The following DTD1 variants were observed in gnomAD, a reference collection of about 807,000 sequenced individuals.
DTD1 encodes the protein D-aminoacyl-tRNA deacylase 1, also known as D-tyrosyl-tRNA deacylase 1 homolog.
In DTD1, 13 loss-of-function variants were observed where a neutral mutation model predicts 25.6. The ratio of observed to expected loss-of-function variants is 0.51; its 90% CI spans 0.33 to 0.81. The LOEUF is 0.81. DTD1 is among the 30% of genes least tolerant of loss of function. DTD1 has a pLI of 0.02. For missense variants in DTD1, 193 were observed against 266.4 expected, an observed-to-expected ratio of 0.72 and a Z score of 1.92; for synonymous variants, 110 against 103.6, an observed-to-expected ratio of 1.06 and a Z score of -0.37.
chr20:18,696,702 G>A (rs1469960446), intron 4 of DTD1, among the ~76,000 whole-genome samples: 1 of 151,886 alleles, frequency 6.6e-6, no homozygotes, highest in Non-Finnish European at 1.5e-5. Flanking sequence ...TTACAGGCAT[G>A]CACCACCACA....
At chr20:18,762,425 G>T (rs1466098129) in intron 5 of DTD1, among the ~76,000 whole-genome samples, 3 of 152,266 alleles carry the variant, frequency 2.0e-5, no homozygotes, top group East Asian at 3.9e-4. Context: ...GAGACACTTG[G>T]ACTTCTGTAC....
intron 3 of DTD1, among the ~76,000 whole-genome samples, chr20:18,623,725 C>T (rs6045516): frequency 0.51 from 77,560 of 151,922 alleles, 20,174 homozygotes; most frequent in Middle Eastern, 0.56. Flanking sequence ...TGCGTCCAGC[C>T]GGGTCTCCTT....
chr20:18,676,632 G>A (rs1346549697), intron 4 of DTD1, among the ~76,000 whole-genome samples: 1 of 152,164 alleles, frequency 6.6e-6, no homozygotes, highest in East Asian at 1.9e-4. Context: ...AGGTTCTGCT[G>A]AGCAGCAAAA....
chr20:18,761,146 G>T (rs113508897), intron 5 of DTD1, among the ~76,000 whole-genome samples: 5 of 152,240 alleles, frequency 3.3e-5, no homozygotes, highest in African/African-American at 1.2e-4. Context: ...CCCTTTCCTT[G>T]GCTAGGAAAG....
chr20:18,611,144 A>G (rs1370346429), intron 3 of DTD1: 1 of 152,218 alleles, frequency 6.6e-6, no homozygotes, highest in African/African-American at 2.4e-5. Context: ...TCAAGGGCTA[A>G]CCTTTTCTCC....
chr20:18,690,059 C>T (rs1260406676), intron 4 of DTD1, among the ~76,000 whole-genome samples: 27 of 150,038 alleles, frequency 1.8e-4, no homozygotes, highest in African/African-American at 6.6e-4. Context: ...TCACTTGAGC[C>T]CAGGAGTTCA....
intron 4 of DTD1, among the ~76,000 whole-genome samples, chr20:18,660,193 C>G (rs906234034): frequency 6.6e-6 from 1 of 152,078 alleles, no homozygotes; most frequent in Non-Finnish European, 1.5e-5. Flanking sequence ...GGAGCCAGAG[C>G]GAGACTCCGT....
intron 4 of DTD1, among the ~76,000 whole-genome samples, chr20:18,727,941 G>T (rs1248979135): frequency 2.6e-5 from 4 of 152,230 alleles, no homozygotes; most frequent in African/African-American, 9.6e-5. Flanking sequence ...GAAGCAGAGG[G>T]GAGGCTGATG....
At chr20:18,712,278 A>C (rs1166153784) in intron 4 of DTD1, among the ~76,000 whole-genome samples, 1 of 151,934 alleles carries the variant, frequency 6.6e-6, no homozygotes, top group Non-Finnish European at 1.5e-5. Flanking sequence ...TGCTCTCCAC[A>C]GGGATTAGCA....
chr20:18,743,461 A>T (rs1260435765), intron 4 of DTD1, among the ~76,000 whole-genome samples: 1 of 152,108 alleles, frequency 6.6e-6, no homozygotes, highest in African/African-American at 2.4e-5. Context: ...TGGGAGGCCG[A>T]GGTGGGTGGG....
chr20:18,708,244 A>ATTATATAGATTAT, intron 4 of DTD1, among the ~76,000 whole-genome samples: 1 of 41,406 alleles, frequency 2.4e-5, no homozygotes, highest in East Asian at 1.0e-3. Flanking sequence ...ATATATATAT[A>ATTATATAGATTAT]ATATATATTA....
intron 1 of DTD1, among the ~76,000 whole-genome samples, chr20:18,593,509 T>C (rs1253113011): frequency 6.6e-6 from 1 of 152,220 alleles, no homozygotes; most frequent in Admixed American, 6.5e-5. Flanking sequence ...GTTGTTCACT[T>C]TACAGCTCCC....
chr20:18,621,510 G>A (rs936747688), intron 3 of DTD1, among the ~76,000 whole-genome samples: 1 of 152,136 alleles, frequency 6.6e-6, no homozygotes, highest in Non-Finnish European at 1.5e-5. Context: ...TCCATCCATG[G>A]TCTTTGCCTG....
intron 4 of DTD1, among the ~76,000 whole-genome samples, chr20:18,687,203 GAC>G (rs1193137738): frequency 3.9e-5 from 6 of 152,186 alleles, no homozygotes; most frequent in Non-Finnish European, 8.8e-5. Flanking sequence ...TCTAAGGAAG[GAC>G]ATCCTAGGTA....
intron 4 of DTD1, among the ~76,000 whole-genome samples, chr20:18,671,261 TTTAA>T (rs567018057): frequency 6.4e-4 from 97 of 152,386 alleles, no homozygotes; most frequent in Middle Eastern, 3.4e-3. Flanking sequence ...TAATGGCTTA[TTTAA>T]TTGAGAACAT....
intron 4 of DTD1, among the ~76,000 whole-genome samples, chr20:18,680,665 C>T (rs1484126218): frequency 6.6e-6 from 1 of 152,112 alleles, no homozygotes; most frequent in Non-Finnish European, 1.5e-5. Context: ...GGTGCTCACT[C>T]CTGTGGTGTG....
chr20:18,684,852 T>C (rs570831203), intron 4 of DTD1, among the ~76,000 whole-genome samples: 30 of 152,194 alleles, frequency 2.0e-4, no homozygotes, highest in Admixed American at 7.2e-4. Flanking sequence ...CAAATCCTGT[T>C]GTAAGTGACT....
chr20:18,736,277 G>T (rs533886481), intron 4 of DTD1, among the ~76,000 whole-genome samples: 1 of 152,292 alleles, frequency 6.6e-6, no homozygotes, highest in South Asian at 2.1e-4. Flanking sequence ...GCTGCTGGTT[G>T]CAGGCAGCTC....
rs543465294 is a variant in DTD1 at position 18,745,142 on chromosome 20, C to T, written c.*19+871C>T. Among the ~76,000 whole-genome samples the T allele has an allele frequency of 1.5e-3, 223 of 152,326 alleles. 1 individual carries two copies. The highest frequency in any genetic ancestry group is 2.9e-3 in the Non-Finnish European group (200 of 68,030). ...CTAGCAAAGGGCACTGCCATCTCAG[C>T]AGCCTACTTTCATTGCCACCTGCCC... On this transcript the variant is annotated intron_variant, in intron 5 of 5. Transcript: ENST00000377452.
Sources: gnomAD v4.1 joint callset for allele counts (sites outside exome capture counted in the v4.1 genomes callset) on GRCh38, gnomAD v4.1.1 for gene constraint, MANE v1.5 for transcripts, NCBI Gene and HGNC (gene_info 2026-07-23, HGNC 2026-07-21) for gene names.